UBE3D: variants seen among roughly 807,000 people sequenced by gnomAD.
The protein encoded by UBE3D is ubiquitin protein ligase E3D, also known as E3 ubiquitin-protein ligase E3D.
A neutral mutation model predicts 49.6 loss-of-function variants in UBE3D; 48 were observed. The observed-to-expected ratio is 0.97, with a 90% CI of 0.77 to 1.23. The LOEUF is 1.23. Among genes scored for constraint, UBE3D ranks in the 50% most tolerant of loss-of-function variants. The pLI is 0.00. For missense variants in UBE3D, 452 were observed against 468.4 expected, an observed-to-expected ratio of 0.96 and a Z score of 0.32; for synonymous variants, 189 against 174.2, an observed-to-expected ratio of 1.08 and a Z score of -0.67.
intron 8 of UBE3D, among the ~76,000 whole-genome samples, chr6:83,006,982 G>A (rs144669603): frequency 0.017 from 2,652 of 152,052 alleles, 45 homozygotes; most frequent in Admixed American, 0.057. Context: ...AAAAAGATAA[G>A]GAAATACTAG....
chr6:83,022,590 T>C (rs774157216), intron 6 of UBE3D, 29 bp from the exon 7 acceptor site: 2 of 1,514,852 alleles, frequency 1.3e-6, no homozygotes, highest in Non-Finnish European at 1.8e-6. Context: ...ATTTTTACAA[T>C]GTGTATCTCA....
chr6:83,016,406 C>T (rs1327770047), intron 8 of UBE3D, among the ~76,000 whole-genome samples: 1 of 152,086 alleles, frequency 6.6e-6, no homozygotes, highest in African/African-American at 2.4e-5. Flanking sequence ...ATGCCAAGGA[C>T]TATCAGCATT....
At chr6:82,946,511 G>A (rs1337111309) in intron 9 of UBE3D, among the ~76,000 whole-genome samples, 1 of 152,154 alleles carries the variant, frequency 6.6e-6, no homozygotes, top group African/African-American at 2.4e-5. Flanking sequence ...ATGCTAAAGA[G>A]AGGACTTCAA....
chr6:82,897,805 G>A (rs1016361901), intron 9 of UBE3D, among the ~76,000 whole-genome samples: 7 of 152,286 alleles, frequency 4.6e-5, no homozygotes, highest in South Asian at 4.1e-4. Context: ...TTGCGACCAT[G>A]TTGAGGATAC....
chr6:82,896,484 CT>C (rs1469228246), intron 9 of UBE3D, among the ~76,000 whole-genome samples: 2 of 152,088 alleles, frequency 1.3e-5, no homozygotes, highest in Non-Finnish European at 2.9e-5. Flanking sequence ...AATAGTGACA[CT>C]TGGAAATGGA....
Position 82,956,047 on chromosome 6 carries a change from G to A in UBE3D, c.1149+1265C>T, listed in dbSNP as rs570713602. On this transcript the variant is annotated intron_variant, in intron 9 of 9. Transcript: ENST00000369747. ...AATCCATGTAACAGATTTCCAAGAGGAGAGGAATGTAAATAAGATTGGAGC... is the reference window on the plus strand; with the variant it reads ...AATCCATGTAACAGATTTCCAAGAGAAGAGGAATGTAAATAAGATTGGAGC... Among the ~76,000 whole-genome samples the A allele has an allele frequency of 4.6e-5, 7 of 152,314 alleles. No homozygotes were observed. The East Asian group carries it at 9.6e-4, about 21-fold the overall frequency.
At chr6:82,969,779 A>AT (rs1368408097) in intron 8 of UBE3D, among the ~76,000 whole-genome samples, 2 of 152,196 alleles carry the variant, frequency 1.3e-5, no homozygotes, top group Admixed American at 6.5e-5. Context: ...ATTTAATGTA[A>AT]TTTCAGTTAG....
chr6:82,891,505 G>A (rs1035561955), downstream of UBE3D, among the ~76,000 whole-genome samples: 2 of 152,188 alleles, frequency 1.3e-5, no homozygotes, highest in Non-Finnish European at 2.9e-5. Context: ...CTGTGGCTGT[G>A]AGTCTTGGAT....
In UBE3D at chr6:83,044,588, G is replaced by A. The variant is rs1385127364; in HGVS notation, c.437C>T (p.Pro146Leu). ...AAGTGATTTATTAGCAAAGGGGTCA[G>A]GATGACAACACCATTCTCCAACTAG... ...GALVGEWCCHPDPFANKSLHP... is the reference protein window; with the variant it reads ...GALVGEWCCHLDPFANKSLHP... Residue 146 changes from proline to leucine, a missense_variant, in exon 4 of 10, where the codon CCT (proline) becomes CTT (leucine). Pro to Leu is a moderately conservative substitution (Grantham distance 98). Coordinates refer to ENST00000369747, the MANE Select transcript of UBE3D (RefSeq NM_198920.3). 6.2e-7 allele frequency: 1 copy of A among 1,614,136 alleles called. No individual in the cohort carries two copies. Among genetic ancestry groups the A allele is most frequent in the Non-Finnish European group, 8.5e-7 (1 of 1,179,998 alleles).
At position 82,892,887 on chromosome 6, in the gene UBE3D, C is replaced by G; in HGVS notation, c.*135G>C. On this transcript the variant is annotated 3_prime_UTR_variant, in exon 10 of 10. Coordinates refer to ENST00000369747, the MANE Select transcript of UBE3D (RefSeq NM_198920.3). ...TACATGCAAACAAGTAAACTTAAAA[C>G]TTCAATGCAATGCTCTTATCCCATA... 9.5e-7 allele frequency: 1 copy of G among 1,052,640 alleles called. No individual in the cohort carries two copies. Among genetic ancestry groups the G allele is most frequent in the South Asian group, 1.3e-5 (1 of 78,202 alleles). 65.2% of individuals were successfully genotyped at this position (1,052,640 alleles called of 1,614,324 possible). A position where few individuals can be genotyped will look rare whatever the true frequency, so the allele number is the denominator to read the frequency against.
chr6:83,063,066 AC>A (rs1458971870), intron 1 of UBE3D: 6 of 185,256 alleles, frequency 3.2e-5, no homozygotes, highest in South Asian at 2.8e-4. Flanking sequence ...GAATAAAAAA[AC>A]GATAGAGTGG....
intron 8 of UBE3D, among the ~76,000 whole-genome samples, chr6:82,998,789 C>T (rs1779417250): frequency 6.6e-6 from 1 of 152,302 alleles, no homozygotes; most frequent in South Asian, 2.1e-4. Context: ...CAGTCCATCA[C>T]TATAATAATA....
intron 7 of UBE3D, among the ~76,000 whole-genome samples, chr6:83,019,770 T>C (rs1780955505): frequency 1.3e-5 from 2 of 152,178 alleles, no homozygotes; most frequent in Non-Finnish European, 2.9e-5. Flanking sequence ...GCCTGATCCA[T>C]GGGGGAGTTC....
chr6:82,937,413 TCA>T (rs1774662519), intron 9 of UBE3D, among the ~76,000 whole-genome samples: 1 of 152,016 alleles, frequency 6.6e-6, no homozygotes, highest in Non-Finnish European at 1.5e-5. Context: ...TGAAGCAAGC[TCA>T]GTTATTTCAA....
chr6:82,978,010 A>G (rs1396232616), intron 8 of UBE3D, among the ~76,000 whole-genome samples: 5 of 152,068 alleles, frequency 3.3e-5, no homozygotes, highest in Admixed American at 3.3e-4. Flanking sequence ...ATGTATGGAG[A>G]GATTCTGGCA....
At chr6:82,943,437 A>G (rs1297714025) in intron 9 of UBE3D, among the ~76,000 whole-genome samples, 1 of 152,024 alleles carries the variant, frequency 6.6e-6, no homozygotes, top group Non-Finnish European at 1.5e-5. Flanking sequence ...GGAATTCAAG[A>G]CCACGCTGGG....
chr6:82,961,816 G>C (rs1214005615), intron 8 of UBE3D, among the ~76,000 whole-genome samples: 2 of 151,988 alleles, frequency 1.3e-5, no homozygotes, highest in Non-Finnish European at 2.9e-5. Flanking sequence ...CAAAAAATTA[G>C]CCAGGCATGG....
At chr6:82,957,978 TATAATACAA>T (rs1171670692) in intron 8 of UBE3D, among the ~76,000 whole-genome samples, 4 of 152,162 alleles carry the variant, frequency 2.6e-5, no homozygotes. Context: ...AGCCCCAACT[TATAATACAA>T]ATAAAAGCGA....
At chr6:82,907,082 G>A (rs567543937) in intron 9 of UBE3D, among the ~76,000 whole-genome samples, 2 of 152,240 alleles carry the variant, frequency 1.3e-5, no homozygotes, top group South Asian at 4.1e-4. Flanking sequence ...AAAAATGGAG[G>A]GAGGAGTGAG....
Sources: allele counts gnomAD v4.1 joint callset (sites outside exome capture counted in the v4.1 genomes callset), GRCh38; gene constraint gnomAD v4.1.1; transcripts MANE v1.5; gene names NCBI Gene and HGNC (gene_info 2026-07-23, HGNC 2026-07-21).